RBM47: variants seen among roughly 807,000 people sequenced by gnomAD.
RBM47 encodes RNA binding motif protein 47.
Under a neutral mutation model 47.1 loss-of-function variants are expected in RBM47, and 21 were observed. That is an observed-to-expected ratio of 0.45 (90% CI 0.32 to 0.64). RBM47 has a LOEUF of 0.64. Among genes scored for constraint, RBM47 ranks in the 30% least tolerant of loss-of-function variants. The pLI, the probability that RBM47 is intolerant of heterozygous loss-of-function variation, is 0.05. For synonymous variants in RBM47, 375 were observed against 361.7 expected (o/e 1.04, Z -0.42); for missense variants, 708 against 870.9 (o/e 0.81, Z 2.35).
chr4:40,433,623 G>C (rs1419024634), intron 5 of RBM47, among the ~76,000 whole-genome samples: 1 of 152,114 alleles, frequency 6.6e-6, no homozygotes, highest in Non-Finnish European at 1.5e-5. Flanking sequence ...CTCATTACCA[G>C]CCGCACTGCC....
At chr4:40,572,503 G>A (rs61012263) in intron 1 of RBM47, among the ~76,000 whole-genome samples, 164 of 152,122 alleles carry the variant, frequency 1.1e-3, no homozygotes, top group African/African-American at 3.9e-3. Context: ...GAAGCTCTAA[G>A]TGTATTTACT....
At chr4:40,561,342 C>T (rs1312750670) in intron 1 of RBM47, among the ~76,000 whole-genome samples, 4 of 150,866 alleles carry the variant, frequency 2.7e-5, no homozygotes, top group Non-Finnish European at 5.9e-5. Flanking sequence ...AGCGATTCTC[C>T]GGCCTCAGCA....
At chr4:40,532,624 T>C (rs1355968081) in intron 2 of RBM47, among the ~76,000 whole-genome samples, 4 of 151,238 alleles carry the variant, frequency 2.6e-5, no homozygotes, top group East Asian at 3.9e-4. Context: ...TTAAAAAAAA[T>C]ATTATTCTTT....
chr4:40,602,585 T>C (rs1578051223), intron 1 of RBM47, among the ~76,000 whole-genome samples: 1 of 149,936 alleles, frequency 6.7e-6, no homozygotes, highest in African/African-American at 2.5e-5. Flanking sequence ...GAGGCGGAGG[T>C]TGCAGTGAGC....
chr4:40,552,342 G>C (rs909543120), intron 1 of RBM47, among the ~76,000 whole-genome samples: 5 of 151,992 alleles, frequency 3.3e-5, no homozygotes, highest in African/African-American at 1.2e-4. Context: ...AGGTTGCAGT[G>C]AGCTGAGATC....
chr4:40,509,532 T>C (rs1323613058), intron 2 of RBM47, among the ~76,000 whole-genome samples: 1 of 152,154 alleles, frequency 6.6e-6, no homozygotes, highest in East Asian at 1.9e-4. Flanking sequence ...AGCCCAGGAA[T>C]TTGAGACCAG....
In RBM47 at chr4:40,628,137, C is replaced by T. The variant is rs1435894018; in HGVS notation, c.-240+1259G>A. Among the ~76,000 whole-genome samples the T allele has an allele frequency of 6.6e-6, 1 of 152,142 alleles. No individual in the cohort carries two copies. Among genetic ancestry groups the T allele is most frequent in the South Asian group, 2.1e-4 (1 of 4,834 alleles). ...CTTGGGAAATTTCTGAGACCCCATCCTTCCAGCATGCAATAATTAAGTCAA... is the reference window on the plus strand; with the variant it reads ...CTTGGGAAATTTCTGAGACCCCATCTTTCCAGCATGCAATAATTAAGTCAA... On this transcript the variant is annotated intron_variant, in intron 1 of 6. Transcript: ENST00000295971. The surrounding 1 kb of genome is among the most constrained non-coding windows in gnomAD (Gnocchi z 4.0).
intron 3 of RBM47, 112 bp from the exon 4 acceptor site, chr4:40,439,036 G>A (rs1402459001): frequency 3.3e-6 from 3 of 919,734 alleles, no homozygotes; most frequent in Non-Finnish European, 4.7e-6. Flanking sequence ...AGGGGAGGTG[G>A]TTTAAATGAG....
At chr4:40,560,546 A>C (rs899213218) in intron 1 of RBM47, among the ~76,000 whole-genome samples, 14 of 152,356 alleles carry the variant, frequency 9.2e-5, no homozygotes, top group African/African-American at 3.4e-4. Flanking sequence ...GTCACTTGCC[A>C]GTCCAGGGGA....
chr4:40,544,604 G>T (rs995431614), intron 1 of RBM47, 98 bp from the exon 2 acceptor site: 1 of 152,210 alleles, frequency 6.6e-6, no homozygotes, highest in Admixed American at 6.5e-5. Flanking sequence ...CGGGTGAGAA[G>T]AAGGAACATG....
intron 1 of RBM47, among the ~76,000 whole-genome samples, chr4:40,555,699 C>G (rs1478728958): frequency 1.1e-4 from 16 of 152,248 alleles, no homozygotes; most frequent in Non-Finnish European, 2.9e-5. Flanking sequence ...GCCATGCCTG[C>G]GGCCGCCACA....
At chr4:40,579,088 C>T (rs1228381890) in intron 1 of RBM47, among the ~76,000 whole-genome samples, 1 of 148,122 alleles carries the variant, frequency 6.8e-6, no homozygotes, top group African/African-American at 2.5e-5. Context: ...CACTGCACTC[C>T]AGCCTGGGCA....
At chr4:40,590,118 C>A (rs563888241) in intron 1 of RBM47, among the ~76,000 whole-genome samples, 2 of 152,266 alleles carry the variant, frequency 1.3e-5, no homozygotes, top group East Asian at 3.9e-4. Flanking sequence ...GTTGCCAGAT[C>A]GGGGAATAGG....
chr4:40,568,984 A>AAGATAGATAGATAGATAGATAGATAGAT (rs60078594), intron 1 of RBM47, among the ~76,000 whole-genome samples: 14 of 145,178 alleles, frequency 9.6e-5, no homozygotes, highest in African/African-American at 3.8e-4. Flanking sequence ...TCTGTCTCAA[A>AAGATAGATAGATAGATAGATAGATAGAT]AGATAGATAG....
Position 40,428,692 on chromosome 4 carries a change from G to A in RBM47, c.1543-2549C>T, listed in dbSNP as rs147104335. Among the ~76,000 whole-genome samples the A allele has an allele frequency of 2.6e-5, 4 of 152,328 alleles. No individual in the cohort carries two copies. The East Asian group carries it at 7.7e-4, about 29-fold the overall frequency. Reference sequence around the variant, plus strand: ...ACTCCAACACCAAGTTTTGCACATAGACATGCACTGGCTTACGGCCTGGAA... The same window carrying A: ...ACTCCAACACCAAGTTTTGCACATAAACATGCACTGGCTTACGGCCTGGAA... On this transcript the variant is annotated intron_variant, in intron 6 of 6. Coordinates refer to ENST00000295971, the MANE Select transcript of RBM47 (RefSeq NM_001098634.2).
At chr4:40,459,771 A>C (rs1192773488) in intron 3 of RBM47, among the ~76,000 whole-genome samples, 1 of 152,006 alleles carries the variant, frequency 6.6e-6, no homozygotes, top group African/African-American at 2.4e-5. Flanking sequence ...ACAGAGTTTC[A>C]TTCTTGTTGC....
rs371133336 is a variant in RBM47, at chr4:40,583,708, A to G, written c.-239-39202T>C. Among the ~76,000 whole-genome samples the G allele has an allele frequency of 3.3e-5, 5 of 151,636 alleles. No homozygotes were observed. In the East Asian group the frequency reaches 5.9e-4, roughly 18 times the overall value. On this transcript the variant is annotated intron_variant, in intron 1 of 6. Transcript: ENST00000295971. Reference sequence around the variant, plus strand: ...CCCGTCTCTACTAAAAATACAAAAAATTAGCCGGGCGCGGTGGCGGGCGCC... The same window carrying G: ...CCCGTCTCTACTAAAAATACAAAAAGTTAGCCGGGCGCGGTGGCGGGCGCC...
intron 2 of RBM47, among the ~76,000 whole-genome samples, chr4:40,503,920 C>A (rs1013313842): frequency 6.6e-6 from 1 of 152,018 alleles, no homozygotes; most frequent in Admixed American, 6.6e-5. Flanking sequence ...CACCTGTAAT[C>A]CCAGCACTTT....
chr4:40,442,378 T>C (rs892892849), intron 3 of RBM47, among the ~76,000 whole-genome samples: 3 of 152,148 alleles, frequency 2.0e-5, no homozygotes, highest in South Asian at 4.1e-4. Context: ...GAAATAAGCA[T>C]TGGCAAGGAC....
Sources: allele counts gnomAD v4.1 joint callset (sites outside exome capture counted in the v4.1 genomes callset), GRCh38; gene constraint gnomAD v4.1.1; non-coding constraint Gnocchi (gnomAD v3.1); transcripts MANE v1.5; gene names NCBI Gene and HGNC (gene_info 2026-07-23, HGNC 2026-07-21).